The following ADAMTSL3 variants were observed in gnomAD, a reference collection of about 807,000 sequenced individuals.
ADAMTSL3 encodes ADAMTS-like protein 3.
In ADAMTSL3, 128 loss-of-function variants were observed where a neutral mutation model predicts 201.7. The observed-to-expected ratio is 0.63, with a 90% CI of 0.55 to 0.73. The LOEUF is 0.73. Among genes scored for constraint, ADAMTSL3 ranks in the 30% least tolerant of loss-of-function variants. The pLI is 0.00. For missense variants in ADAMTSL3, 1,990 were observed against 2,119.6 expected (o/e 0.94, Z 1.20); for synonymous variants, 738 against 748.4 (o/e 0.99, Z 0.23).
chr15:84,033,683 A>C (rs2068448032), intron 28 of ADAMTSL3, among the ~76,000 whole-genome samples: 1 of 152,040 alleles, frequency 6.6e-6, no homozygotes, highest in South Asian at 2.1e-4. Flanking sequence ...AAAAACAAAC[A>C]AAAAAACGTG....
intron 6 of ADAMTSL3, among the ~76,000 whole-genome samples, chr15:83,823,892 CCTCTTCTTCTTCTTCTTCTTCTTCTTCT>C (rs2063938793): frequency 1.1e-5 from 1 of 88,082 alleles, no homozygotes; most frequent in Admixed American, 1.3e-4. Context: ...TCTTCTTCTT[CCTCTTCTTCTTCTTCTTCTTCTTCTTCT>C]TCTTCTTCTT....
At chr15:83,790,807 T>C (rs966282787) in intron 4 of ADAMTSL3, among the ~76,000 whole-genome samples, 2 of 152,112 alleles carry the variant, frequency 1.3e-5, no homozygotes, top group Admixed American at 1.3e-4. Flanking sequence ...TCTGGCAAGG[T>C]CCTGGATACA....
intron 6 of ADAMTSL3, among the ~76,000 whole-genome samples, chr15:83,829,417 TTTC>T (rs1198028919): frequency 3.0e-4 from 45 of 152,180 alleles, no homozygotes; most frequent in Admixed American, 5.9e-4. Flanking sequence ...TCTTCTCTCT[TTTC>T]TTCTTTATTA....
chr15:83,786,089 G>A (rs538533969), intron 4 of ADAMTSL3, among the ~76,000 whole-genome samples: 4 of 151,920 alleles, frequency 2.6e-5, no homozygotes, highest in Admixed American at 6.6e-5. Context: ...TGATCTGCCC[G>A]CCTCAGCCTC....
chr15:83,918,430 T>C (rs957450386), intron 16 of ADAMTSL3, among the ~76,000 whole-genome samples: 16 of 152,130 alleles, frequency 1.1e-4, no homozygotes, highest in African/African-American at 3.9e-4. Context: ...GCAAAAGAAG[T>C]ATATGGTGCT....
chr15:83,922,358 G>A (rs1199938141), intron 16 of ADAMTSL3, among the ~76,000 whole-genome samples: 2 of 152,118 alleles, frequency 1.3e-5, no homozygotes, highest in African/African-American at 4.8e-5. Context: ...CCCAGAATGG[G>A]TTATAATGGG....
intron 3 of ADAMTSL3, among the ~76,000 whole-genome samples, chr15:83,714,761 C>CTCTTTCTTTCTTTCTTTCTTTCTT (rs767607321): frequency 4.8e-5 from 2 of 41,494 alleles, no homozygotes; most frequent in Admixed American, 4.5e-4. Flanking sequence ...CTTCCCTTTT[C>CTCTTTCTTTCTTTCTTTCTTTCTT]TCTTTCTTTC....
chr15:83,655,622 A>ATAG, intron 1 of ADAMTSL3, 107 bp from the exon 2 acceptor site: 1 of 784,680 alleles, frequency 1.3e-6, no homozygotes, highest in Non-Finnish European at 2.1e-6. Context: ...CCTTTCCAAA[A>ATAG]TAGTATATGG....
rs533091010 is a variant in ADAMTSL3, at chr15:83,680,762, G to T, written c.70-23627G>T. Among the ~76,000 whole-genome samples, 14 of 151,756 alleles carry T rather than the reference G, an allele frequency of 9.2e-5. No homozygotes were observed. The South Asian group carries it at 2.9e-3, about 32-fold the overall frequency. ...CTCTGTACCTTTTCTGGTGCTTTAA[G>T]ACATTATTTCCTTTCATTATTTTTT... On this transcript the variant is annotated intron_variant, in intron 2 of 29. Transcript: ENST00000286744.
At chr15:83,796,924 T>TA (rs1298002839) in intron 4 of ADAMTSL3, among the ~76,000 whole-genome samples, 1 of 152,094 alleles carries the variant, frequency 6.6e-6, no homozygotes, top group Non-Finnish European at 1.5e-5. Context: ...TCTCTACTTG[T>TA]AAAAAACAAT....
At chr15:83,988,318 T>C (rs1402513556) in intron 21 of ADAMTSL3, among the ~76,000 whole-genome samples, 4 of 152,200 alleles carry the variant, frequency 2.6e-5, no homozygotes, top group African/African-American at 9.7e-5. Context: ...TTAGGAAGGA[T>C]TCGGGCAGAA....
At chr15:83,777,346 G>A (rs1296673399) in intron 4 of ADAMTSL3, among the ~76,000 whole-genome samples, 1 of 152,190 alleles carries the variant, frequency 6.6e-6, no homozygotes, top group African/African-American at 2.4e-5. Flanking sequence ...AAATGCTTTG[G>A]CTGACATCAG....
At chr15:83,847,472 C>G (rs1029494124) in intron 7 of ADAMTSL3, among the ~76,000 whole-genome samples, 3 of 150,440 alleles carry the variant, frequency 2.0e-5, no homozygotes, top group African/African-American at 7.4e-5. Context: ...AGACCCTGTT[C>G]TGTACAATAC....
At chr15:83,908,621 G>T (rs999148967) in intron 15 of ADAMTSL3, among the ~76,000 whole-genome samples, 8 of 152,106 alleles carry the variant, frequency 5.3e-5, no homozygotes, top group African/African-American at 1.7e-4. Context: ...TTTGAATGTT[G>T]TGTGCATCTG....
intron 21 of ADAMTSL3, among the ~76,000 whole-genome samples, chr15:83,984,425 A>C (rs915771448): frequency 6.6e-6 from 1 of 152,216 alleles, no homozygotes; most frequent in Non-Finnish European, 1.5e-5. Context: ...AGGTAGAAAA[A>C]ATCTAATTTT....
chr15:83,970,594 AG>A lies in ADAMTSL3; in HGVS notation c.2604del (p.Leu869SerfsTer4). The A allele has an allele frequency of 6.2e-7, 1 of 1,614,236 alleles. No individual in the cohort carries two copies. Among genetic ancestry groups the A allele is most frequent in the Non-Finnish European group, 8.5e-7 (1 of 1,180,022 alleles). On this transcript the variant is annotated frameshift_variant, in exon 20 of 30. Transcript: ENST00000286744. LOFTEE classifies it high-confidence loss of function. ...GTGAGATGATGTGCAGGGATCTACC[AG>A]GGCTCCCTCTTGTAAGATCTTGCCA... ...LSEMMCRDLP[G>X]LPLVRSCQMP... is the part of the protein sequence containing the mutation.
intron 6 of ADAMTSL3, among the ~76,000 whole-genome samples, chr15:83,822,243 T>C (rs1329963556): frequency 2.6e-4 from 29 of 111,870 alleles, no homozygotes; most frequent in Admixed American, 9.6e-4. Flanking sequence ...CCAGACGGGG[T>C]GGCTGCTGGG....
At position 83,655,813 on chromosome 15, in the gene ADAMTSL3, C is replaced by T. The variant is rs1413449206; in HGVS notation, c.52C>T (p.His18Tyr). The change falls in exon 2 of 30, where the codon CAC becomes TAC. Residue 18 changes from histidine (H) to tyrosine (Y), a missense_variant. Transcript: ENST00000286744. ...GGTGCTGATAGGGATGGTCTTCATG[C>T]ACTCTCCCCTCCCGCAGGTAAGGTC... Reference protein sequence around the residue: ...WWVLIGMVFMHSPLPQTTAEK... With the variant: ...WWVLIGMVFMYSPLPQTTAEK... 4.3e-6 allele frequency: 7 copies of T among 1,613,950 alleles called. No homozygotes were observed. The highest frequency in any genetic ancestry group is 5.1e-6 in the Non-Finnish European group (6 of 1,180,006).
chr15:84,019,274 A>G (rs1383003144), intron 25 of ADAMTSL3, among the ~76,000 whole-genome samples: 2 of 152,334 alleles, frequency 1.3e-5, no homozygotes, highest in African/African-American at 4.8e-5. Context: ...AGTGTGAAGC[A>G]ACTGAAACGC....
Sources: gnomAD v4.1 joint callset for allele counts (sites outside exome capture counted in the v4.1 genomes callset) on GRCh38, gnomAD v4.1.1 for gene constraint, MANE v1.5 for transcripts, NCBI Gene and HGNC (gene_info 2026-07-23, HGNC 2026-07-21) for gene names.